The following NOD2 variants were observed in gnomAD, a reference collection of about 807,000 sequenced individuals.
The protein encoded by NOD2 is nucleotide-binding oligomerization domain-containing protein 2.
Under a neutral mutation model 90.9 loss-of-function variants are expected in NOD2, and 86 were observed. The observed-to-expected ratio is 0.95, with a 90% CI of 0.79 to 1.13. NOD2 has a LOEUF of 1.13. Among genes scored for constraint, NOD2 ranks in the 50% most tolerant of loss-of-function variants. The pLI, the probability that NOD2 is intolerant of heterozygous loss-of-function variation, is 0.00. For missense variants in NOD2, 1,238 were observed against 1,283.8 expected (o/e 0.96, Z 0.55); for synonymous variants, 581 against 554.6 (o/e 1.05, Z -0.67).
chr16:50,723,471 A>C, intron 9 of NOD2, 87 bp downstream of exon 9: 2 of 1,178,830 alleles, frequency 1.7e-6, no homozygotes, highest in Non-Finnish European at 2.5e-6. Flanking sequence ...GGTTGTGTGG[A>C]CAGACAAAGG....
chr16:50,707,703 C>T (rs1245744557), intron 2 of NOD2, 152 bp from the exon 3 acceptor site: 3 of 692,384 alleles, frequency 4.3e-6, no homozygotes, highest in East Asian at 5.3e-5. Flanking sequence ...ACTGTATTAA[C>T]TACTTGAAAC....
chr16:50,713,527 C>T (rs1345686044), intron 4 of NOD2: 4 of 152,048 alleles, frequency 2.6e-5, no homozygotes, highest in Admixed American at 1.3e-4. Context: ...GTATTATATG[C>T]AATGAATGTA....
intron 6 of NOD2, chr16:50,719,676 C>A: frequency 1.6e-6 from 1 of 636,282 alleles, no homozygotes; most frequent in Non-Finnish European, 2.9e-6. Flanking sequence ...CCTACTGTGG[C>A]TCCTGCCTGG....
At position 50,716,612 on chromosome 16, in the gene NOD2, C is replaced by T. The variant is rs760623178; in HGVS notation, c.2407C>T (p.Arg803Ter). The T allele has an allele frequency of 1.9e-5, 30 of 1,613,968 alleles. No individual in the cohort carries two copies. Among genetic ancestry groups the T allele is most frequent in the South Asian group, 1.3e-4 (12 of 91,082 alleles). The change falls in exon 5 of 12, where the codon CGA becomes TGA. Residue 803 changes from arginine to a stop codon, truncating the protein, a stop_gained. Transcript: ENST00000647318. LOFTEE classifies it high-confidence loss of function. ...LYLRDNNISD[R>*]GICKLIECAL... is the part of the protein sequence containing the mutation. ...TTTGCGCGATAACAATATCTCAGACCGAGGCATCTGCAAGCTCATTGAATG... is the reference window on the plus strand; with the variant it reads ...TTTGCGCGATAACAATATCTCAGACTGAGGCATCTGCAAGCTCATTGAATG...
chr16:50,709,878 A>G (rs914671988), intron 3 of NOD2: 8 of 446,602 alleles, frequency 1.8e-5, no homozygotes, highest in Middle Eastern at 3.3e-4. Context: ...ATTCTTTTAA[A>G]CTGTATTTTA....
chr16:50,707,558 G>A (rs1427649343), intron 2 of NOD2, among the ~76,000 whole-genome samples: 1 of 152,178 alleles, frequency 6.6e-6, no homozygotes, highest in Non-Finnish European at 1.5e-5. Context: ...ATGATTTACA[G>A]CCTGCAGAAT....
At chr16:50,723,226 T>C (rs1965145328) in intron 8 of NOD2, 75 bp from the exon 9 acceptor site, 1 of 1,256,600 alleles carries the variant, frequency 8.0e-7, no homozygotes. Flanking sequence ...ACCACGAATT[T>C]TGCCCTCCAT....
intron 10 of NOD2, among the ~76,000 whole-genome samples, chr16:50,729,515 T>A (rs1342430134): frequency 2.0e-5 from 3 of 152,138 alleles, no homozygotes; most frequent in Non-Finnish European, 4.4e-5. Flanking sequence ...AAAGAAGTGG[T>A]GTAGGTGGGA....
rs104895463 is a variant in NOD2, at chr16:50,725,531, C to T, written c.2844C>T (p.Leu948=). ...TCCAGGATGAAGGTGTATGTTCTCT[C>T]GCAGAAGGACTGAAGAAAAATTCAA... ...NHLQDEGVCS[L]AEGLKKNSSL... The change falls in exon 10 of 12, where the codon CTC becomes CTT. Residue 948 remains leucine (L), a synonymous_variant. Transcript: ENST00000647318. 3.8e-5 allele frequency: 61 copies of T among 1,613,900 alleles called. No individual in the cohort carries two copies. Among genetic ancestry groups the T allele is most frequent in the Admixed American group, 2.3e-4 (14 of 59,998 alleles).
At chr16:50,697,692 C>T (rs1302985448) in intron 1 of NOD2, 1 of 355,496 alleles carries the variant, frequency 2.8e-6, no homozygotes, top group Non-Finnish European at 5.5e-6. Context: ...ATCCTGGCTT[C>T]CAGTGGCCTC....
intron 3 of NOD2, 59 bp from the exon 4 acceptor site, chr16:50,710,499 G>T: frequency 6.2e-7 from 1 of 1,611,640 alleles, no homozygotes. Context: ...CCCATTGTCT[G>T]GTTAGGTCCC....
Position 50,699,785 on chromosome 16 carries a change from A to AC in NOD2, c.295dup (p.His99ProfsTer41), listed in dbSNP as rs1596827239. 2 of 1,613,534 alleles carry AC rather than the reference A, an allele frequency of 1.2e-6. No homozygotes were observed. Among genetic ancestry groups the AC allele is most frequent in the East Asian group, 4.5e-5 (2 of 44,876 alleles). On this transcript the variant is annotated frameshift_variant, in exon 2 of 12. Transcript: ENST00000647318. LOFTEE classifies it high-confidence loss of function. ...TCCCCCAAGCTGCATGGCTGCTGGG[A>AC]CCCCCACTCGCTCCACCCAGCCCGA...
At chr16:50,698,919 C>A (rs964441030) in intron 1 of NOD2, among the ~76,000 whole-genome samples, 4 of 151,384 alleles carry the variant, frequency 2.6e-5, no homozygotes, top group Admixed American at 1.3e-4. Context: ...ATCTCTCTCT[C>A]TCTCTCTGTC....
At chr16:50,717,648 G>A (rs1964860040) in intron 6 of NOD2, among the ~76,000 whole-genome samples, 1 of 152,214 alleles carries the variant, frequency 6.6e-6, no homozygotes. Context: ...GTGGATGGGA[G>A]CCGCCATTTT....
chr16:50,718,941 C>T (rs944369132), intron 6 of NOD2, among the ~76,000 whole-genome samples: 8 of 152,058 alleles, frequency 5.3e-5, no homozygotes, highest in Non-Finnish European at 8.8e-5. Context: ...CTGGGGGAGG[C>T]TGGGAGGTGT....
rs562557464 is a variant in NOD2 at position 50,699,889 on chromosome 16, C to T, written c.394C>T (p.Arg132Trp). 8.7e-6 allele frequency: 14 copies of T among 1,612,748 alleles called. No homozygotes were observed. Among genetic ancestry groups the T allele is most frequent in the African/African-American group, 4.0e-5 (3 of 75,014 alleles). Residue 132 changes from arginine (R) to tryptophan (W), a missense_variant, in exon 2 of 12, where the codon CGG becomes TGG. Transcript: ENST00000647318. ...GAACATGCTGGACCTGGCATGGGAGCGGGGTTTCGTCAGCCAGTATGAATG... is the reference window on the plus strand; with the variant it reads ...GAACATGCTGGACCTGGCATGGGAGTGGGGTTTCGTCAGCCAGTATGAATG... ...VENMLDLAWERGFVSQYECDE... is the reference protein window; with the variant it reads ...VENMLDLAWEWGFVSQYECDE...
At position 50,701,686 on chromosome 16, in the gene NOD2, G is replaced by T. The variant is rs113951051; in HGVS notation, c.459+1732G>T. On this transcript the variant is annotated intron_variant, in intron 2 of 11. Transcript: ENST00000647318. ...CAGATGGTCTGAGGGGTTTGGAGAA[G>T]GTAGCCTAGATCCCTAGGGCCCAGA... Among the ~76,000 whole-genome samples the T allele has an allele frequency of 2.0e-5, 3 of 152,180 alleles. 1 individual carries two copies. The highest frequency in any genetic ancestry group is 4.1e-4 in the South Asian group (2 of 4,832).
chr16:50,719,808 T>C (rs1567401460), intron 6 of NOD2, 117 bp from the exon 7 acceptor site: 2 of 897,180 alleles, frequency 2.2e-6, no homozygotes, highest in Non-Finnish European at 3.8e-6. Context: ...ATGTGGCTGC[T>C]GCCTCCCGGG....
At chr16:50,731,260 G>A (rs371534458) in intron 11 of NOD2, among the ~76,000 whole-genome samples, 4 of 152,190 alleles carry the variant, frequency 2.6e-5, no homozygotes, top group African/African-American at 4.8e-5. Flanking sequence ...GGCCTATGAC[G>A]TCATCAGGTT....
Sources: allele counts gnomAD v4.1 joint callset (sites outside exome capture counted in the v4.1 genomes callset), GRCh38; gene constraint gnomAD v4.1.1; transcripts MANE v1.5; gene names NCBI Gene and HGNC (gene_info 2026-07-23, HGNC 2026-07-21).